CACNA1B: variants seen among roughly 807,000 people sequenced by gnomAD.
The protein encoded by CACNA1B is calcium voltage-gated channel subunit alpha1 B, also known as voltage-dependent N-type calcium channel subunit alpha-1B.
Under a neutral mutation model 247.2 loss-of-function variants are expected in CACNA1B, and 70 were observed. That is an observed-to-expected ratio of 0.28 (90% confidence interval 0.23 to 0.35). The LOEUF is 0.35. Among genes scored for constraint, CACNA1B ranks in the 10% least tolerant of loss-of-function variants. The pLI, the probability that CACNA1B is intolerant of heterozygous loss-of-function variation, is 1.00. For missense variants in CACNA1B, 2,367 were observed against 3,197.4 expected (o/e 0.74, Z 6.26); for synonymous variants, 1,231 against 1,294.4 (o/e 0.95, Z 1.05).
Position 138,111,184 on chromosome 9 carries a change from A to T in CACNA1B, c.5429-1214A>T, listed in dbSNP as rs138733184. On this transcript the variant is annotated intron_variant, in intron 39 of 46. Transcript: ENST00000371372. ...TTGCACTTAGGAAATGAAAACATAC[A>T]TCCACACAATCTATGTGCAGATGTT... 6.2e-4 allele frequency among the ~76,000 whole-genome samples: 94 copies of T among 152,352 alleles called. 1 individual carries two copies. The East Asian group carries it at 0.016, about 26-fold the overall frequency.
chr9:137,910,790 A>G (rs1957351573), intron 3 of CACNA1B, among the ~76,000 whole-genome samples: 3 of 152,176 alleles, frequency 2.0e-5, no homozygotes, highest in Admixed American at 2.0e-4. Context: ...CACCTCCTGC[A>G]GAGTGGCCTG....
Position 137,899,074 on chromosome 9 carries a change from C to G in CACNA1B, c.531-14106C>G, listed in dbSNP as rs115329504. Among the ~76,000 whole-genome samples the G allele has an allele frequency of 2.6e-3, 396 of 151,558 alleles. 1 individual carries two copies. The highest frequency in any genetic ancestry group is 8.6e-3 in the African/African-American group (356 of 41,356). Reference sequence around the variant, plus strand: ...GGTGTGAGCCACCCTGCCTGGCCTTCTTTTTTCTCTCTTTCTTTCTTTTTT... The same window carrying G: ...GGTGTGAGCCACCCTGCCTGGCCTTGTTTTTTCTCTCTTTCTTTCTTTTTT... On this transcript the variant is annotated intron_variant, in intron 3 of 46. Coordinates refer to ENST00000371372, the MANE Select transcript of CACNA1B (RefSeq NM_000718.4). The surrounding 1 kb of genome is among the most constrained non-coding windows in gnomAD (Gnocchi z 5.0).
intron 3 of CACNA1B, among the ~76,000 whole-genome samples, chr9:137,901,033 G>A (rs544297528): frequency 7.7e-5 from 11 of 143,032 alleles, no homozygotes; most frequent in East Asian, 6.5e-4. Context: ...CCGTGTGTCC[G>A]TGTCTGTGCT....
rs1354849256 is a variant in CACNA1B, at chr9:137,973,432, A to G, written c.1543+1840A>G. The stretch of plus-strand genomic sequence containing the variant: ...TGGGTTCTGTGCACCTCGGCTGTCC[A>G]TTCTCCAAGGACCTGCCCTCAATGC... On this transcript the variant is annotated intron_variant, in intron 11 of 46. Transcript: ENST00000371372. This position sits in a 1 kb window ranked among gnomAD's most constrained non-coding sequence, Gnocchi z 4.1. Among the ~76,000 whole-genome samples, 2 of 152,130 alleles carry G rather than the reference A, an allele frequency of 1.3e-5. No individual in the cohort carries two copies. The highest frequency in any genetic ancestry group is 2.4e-5 in the African/African-American group (1 of 41,416).
chr9:138,106,094 A>G (rs1332828310), intron 39 of CACNA1B, among the ~76,000 whole-genome samples: 1 of 152,210 alleles, frequency 6.6e-6, no homozygotes, highest in African/African-American at 2.4e-5. Context: ...TGGTGGAACC[A>G]GGACACAGCC....
In CACNA1B at chr9:138,102,074, C is replaced by T. The variant is rs1249411576; in HGVS notation, c.5223-637C>T. Among the ~76,000 whole-genome samples, 1 of 152,242 alleles carries T rather than the reference C, an allele frequency of 6.6e-6. No homozygotes were observed. Among genetic ancestry groups the T allele is most frequent in the Non-Finnish European group, 1.5e-5 (1 of 68,038 alleles). The stretch of plus-strand genomic sequence containing the variant: ...GCCCTGAGCCCCAGCAGCAGCCCTG[C>T]CCTGGGCTGGCCTCGGGCGTCTCTG... On this transcript the variant is annotated intron_variant, in intron 37 of 46. Transcript: ENST00000371372. This position sits in a 1 kb window ranked among gnomAD's most constrained non-coding sequence, Gnocchi z 5.4.
chr9:138,105,671 G>A, intron 38 of CACNA1B, 28 bp from the exon 39 acceptor site: 1 of 1,308,214 alleles, frequency 7.6e-7, no homozygotes, highest in South Asian at 1.3e-5. Flanking sequence ...CAGCAGGCCT[G>A]GCCCTGACCG....
At chr9:138,078,410 G>A (rs1025983296) in intron 36 of CACNA1B, among the ~76,000 whole-genome samples, 152 bp downstream of exon 36, 18 of 152,188 alleles carry the variant, frequency 1.2e-4, no homozygotes, top group African/African-American at 4.3e-4. Context: ...CAGAGATGGC[G>A]ACTTTGTTAG....
chr9:138,115,789 C>A, intron 42 of CACNA1B, 110 bp downstream of exon 42: 1 of 1,201,594 alleles, frequency 8.3e-7, no homozygotes, highest in Non-Finnish European at 1.2e-6. Context: ...TTCCACTGGC[C>A]TCTGGGTTCA....
chr9:137,997,852 A>G (rs138264443), intron 15 of CACNA1B, among the ~76,000 whole-genome samples: 302 of 152,334 alleles, frequency 2.0e-3, no homozygotes, highest in African/African-American at 6.6e-3. Context: ...TAGCAGCATT[A>G]TTTGTAATAA....
intron 15 of CACNA1B, among the ~76,000 whole-genome samples, chr9:137,998,884 C>T (rs548942603): frequency 6.6e-6 from 1 of 152,352 alleles, no homozygotes; most frequent in South Asian, 2.1e-4. Context: ...GATCTAAAAA[C>T]ATGAACCAGT....
chr9:137,915,290 G>A (rs1018295265), intron 5 of CACNA1B, among the ~76,000 whole-genome samples: 5 of 152,250 alleles, frequency 3.3e-5, no homozygotes, highest in African/African-American at 1.2e-4. Flanking sequence ...AGCGCTTTGA[G>A]TGAGGTGTGG....
intron 3 of CACNA1B, among the ~76,000 whole-genome samples, chr9:137,908,040 C>A (rs1305790360): frequency 6.6e-6 from 1 of 152,234 alleles, no homozygotes; most frequent in Non-Finnish European, 1.5e-5. Context: ...CTTCCCTGTC[C>A]AATCCACAGA....
At chr9:138,103,508 G>C (rs1164912395) in intron 38 of CACNA1B, among the ~76,000 whole-genome samples, 3 of 152,142 alleles carry the variant, frequency 2.0e-5, no homozygotes, top group South Asian at 4.1e-4. Flanking sequence ...TGCCAAGAAG[G>C]GGGTAAATCG....
rs541471583 is a variant in CACNA1B at position 137,888,074 on chromosome 9, G to A, written c.530+5191G>A. On this transcript the variant is annotated intron_variant, in intron 3 of 46. Coordinates refer to ENST00000371372, the MANE Select transcript of CACNA1B (RefSeq NM_000718.4). This position sits in a 1 kb window ranked among gnomAD's most constrained non-coding sequence, Gnocchi z 4.7. ...AGCACAGGTGTGGCCCAATTGACTC[G>A]TGATGGGTGCTGGGGGCACAGTGTA... 5.9e-5 allele frequency among the ~76,000 whole-genome samples: 9 copies of A among 151,536 alleles called. No homozygotes were observed. In the South Asian group the frequency reaches 6.3e-4, roughly 11 times the overall value.
At chr9:137,998,681 A>G (rs1958528459) in intron 15 of CACNA1B, among the ~76,000 whole-genome samples, 1 of 152,258 alleles carries the variant, frequency 6.6e-6, no homozygotes, top group African/African-American at 2.4e-5. Flanking sequence ...GGCATATTAC[A>G]TGATGAAAAG....
At position 138,054,240 on chromosome 9, in the gene CACNA1B, C is replaced by G. The variant is rs554618479; in HGVS notation, c.3968+234C>G. Among the ~76,000 whole-genome samples the G allele has an allele frequency of 9.8e-5, 15 of 152,358 alleles. No homozygotes were observed. Among genetic ancestry groups the G allele is most frequent in the African/African-American group, 3.1e-4 (13 of 41,594 alleles). ...ACACCAGGGACCCCCAGCACTTCCT[C>G]CTCAGCAGAGTCAGGAACCAGGCAT... On this transcript the variant is annotated intron_variant, in intron 26 of 46. Coordinates refer to ENST00000371372, the MANE Select transcript of CACNA1B (RefSeq NM_000718.4). This position sits in a 1 kb window ranked among gnomAD's most constrained non-coding sequence, Gnocchi z 4.6.
At chr9:138,109,899 G>A (rs1030048634) in intron 39 of CACNA1B, among the ~76,000 whole-genome samples, 4 of 151,946 alleles carry the variant, frequency 2.6e-5, no homozygotes, top group Non-Finnish European at 4.4e-5. Flanking sequence ...GGTGAAACCC[G>A]TCCCTACTAA....
chr9:138,070,105 C>A (rs1960069617), intron 32 of CACNA1B, among the ~76,000 whole-genome samples: 1 of 152,200 alleles, frequency 6.6e-6, no homozygotes, highest in African/African-American at 2.4e-5. Flanking sequence ...GGAGGCTTTG[C>A]AGGACATGAG....
Sources: allele counts gnomAD v4.1 joint callset (sites outside exome capture counted in the v4.1 genomes callset), GRCh38; gene constraint gnomAD v4.1.1; non-coding constraint Gnocchi (gnomAD v3.1); transcripts MANE v1.5; gene names NCBI Gene and HGNC (gene_info 2026-07-23, HGNC 2026-07-21).